PIP4P1: variants seen among roughly 807,000 people sequenced by gnomAD.
PIP4P1 encodes phosphatidylinositol-4,5-bisphosphate 4-phosphatase 1.
In PIP4P1, 14 loss-of-function variants were observed where a neutral mutation model predicts 32.3. The observed-to-expected ratio is 0.43, with a 90% CI of 0.29 to 0.68. PIP4P1 has a LOEUF of 0.68. Ranked by LOEUF, PIP4P1 falls within the 30% of genes least tolerant of loss-of-function variation. The probability of loss-of-function intolerance (pLI) is 0.15; values close to 1 mark genes in which losing one functional copy is unlikely to be tolerated. For synonymous variants in PIP4P1, 132 were observed against 137.9 expected, an observed-to-expected ratio of 0.96 and a Z score of 0.30; for missense variants, 289 against 364.5, an observed-to-expected ratio of 0.79 and a Z score of 1.69.
In PIP4P1 at chr14:20,458,406, G is replaced by C; in HGVS notation, c.*153C>G. The C allele has an allele frequency of 9.3e-7, 1 of 1,075,650 alleles. No homozygotes were observed. The allele number at this position is 1,075,650 out of a possible 1,614,324, so 66.6% of individuals were successfully genotyped here. A position where few individuals can be genotyped will look rare whatever the true frequency, so the allele number is the denominator to read the frequency against. On this transcript the variant is annotated 3_prime_UTR_variant, in exon 7 of 7. Coordinates refer to ENST00000250489, the MANE Select transcript of PIP4P1 (RefSeq NM_144568.4). ...TCTGCCCCTCCAAACCTAAGTGAGG[G>C]CCTGGTTCCTTCCTACCTCTCCCCA...
At chr14:20,459,159 T>C (rs754397968) in intron 6 of PIP4P1, 47 bp downstream of exon 6, 2 of 1,578,178 alleles carry the variant, frequency 1.3e-6, no homozygotes, top group South Asian at 1.1e-5. Context: ...TCTTAGCCTA[T>C]GGAGATGAGG....
rs144871765 is a variant in PIP4P1 at position 20,460,371 on chromosome 14, T to C, written c.334-73A>G. 2.1e-3 allele frequency: 2,351 copies of C among 1,114,360 alleles called. 31 individuals carry two copies. The African/African-American group carries it at 0.033, about 16-fold the overall frequency. 69.0% of individuals were successfully genotyped at this position (1,114,360 alleles called of 1,614,324 possible). On this transcript the variant is annotated intron_variant, in intron 2 of 6. Coordinates refer to ENST00000250489, the MANE Select transcript of PIP4P1 (RefSeq NM_144568.4). ...CCTCCACTTCCCTCCAAAAACACTT[T>C]ATGAGATCAGAAAAATAAGGTGCTA... is the stretch of plus-strand genomic sequence containing the variant.
At chr14:20,458,772 T>A in intron 6 of PIP4P1, 70 bp from the exon 7 acceptor site, 1 of 1,541,804 alleles carries the variant, frequency 6.5e-7, no homozygotes, top group Non-Finnish European at 8.7e-7. Context: ...CTCCTATTAG[T>A]TCTAAGAACA....
chr14:20,457,959 G>C lies in PIP4P1; in HGVS notation c.*600C>G, dbSNP rs1428272533. ...GCCCAGTTAAATACTGCAACTGGGG[G>C]GGTAAAAAAGGTCGGGAGGAGGAAT... On this transcript the variant is annotated 3_prime_UTR_variant, in exon 7 of 7. Transcript: ENST00000250489. 3.2e-6 allele frequency: 1 copy of C among 309,470 alleles called. No individual in the cohort carries two copies. The highest frequency in any genetic ancestry group is 6.2e-6 in the Non-Finnish European group (1 of 160,218). The allele number at this position is 309,470 out of a possible 1,614,324, so 19.2% of individuals were successfully genotyped here. A position where few individuals can be genotyped will look rare whatever the true frequency, so the allele number is the denominator to read the frequency against.
rs17851850 is a variant in PIP4P1 at position 20,459,274 on chromosome 14, G to T, written c.622C>A (p.Pro208Thr). The change falls in exon 6 of 7, where the codon CCA (proline) becomes ACA (threonine). Residue 208 changes from proline (P) to threonine (T), a missense_variant. This residue lies in a region of PIP4P1 where 181 missense variants were observed against 263.3 expected (regional missense o/e 0.69). Transcript: ENST00000250489. ...RKVSSIGRRY[P>T]RKRCICCFLL... ...AAGCAGCAGATACATCTCTTACGTG[G>T]GTATCTGCGCCCAATAGATGACCTG... The T allele has an allele frequency of 6.2e-7, 1 of 1,614,070 alleles. No homozygotes were observed. The highest frequency in any genetic ancestry group is 1.3e-5 in the African/African-American group (1 of 74,916).
At chr14:20,460,323 A>G (rs1881653880) in intron 2 of PIP4P1, 25 bp from the exon 3 acceptor site, 1 of 1,552,756 alleles carries the variant, frequency 6.4e-7, no homozygotes, top group African/African-American at 1.4e-5. Flanking sequence ...GGTCATCAGC[A>G]AGCAAACCTC....
rs202232774 is a variant in PIP4P1, at chr14:20,458,571, C to G, written c.822G>C (p.Gln274His). The G allele has an allele frequency of 2.0e-4, 323 of 1,613,690 alleles. No homozygotes were observed. Among genetic ancestry groups the G allele is most frequent in the Middle Eastern group, 4.9e-4 (3 of 6,080 alleles). Residue 274 changes from glutamine to histidine, a missense_variant, in exon 7 of 7, where the codon CAG becomes CAC. By Grantham distance (24) the Gln-to-His change is conservative. This residue lies in a region of PIP4P1 where 181 missense variants were observed against 263.3 expected (regional missense o/e 0.69). Transcript: ENST00000250489. ...WACMKVSHPVQNFS is the reference protein window; with the variant it reads ...WACMKVSHPVHNFS ...TGGGTCATCAGGCTCAGGAGAAGTT[C>G]TGGACAGGGTGGCTGACCTTCATAC...
rs1354119613 is a variant in PIP4P1 at position 20,461,400 on chromosome 14, A to G, written c.-75T>C. The G allele has an allele frequency of 2.1e-5, 26 of 1,217,766 alleles. No homozygotes were observed. The East Asian group carries it at 3.8e-4, about 18-fold the overall frequency. The allele number at this position is 1,217,766 out of a possible 1,614,324, so 75.4% of individuals were successfully genotyped here. A position where few individuals can be genotyped will look rare whatever the true frequency, so the allele number is the denominator to read the frequency against. ...CTCTGCCGTCGCCGCAGCCACCGCC[A>G]CCGCCGCCACCGCCACCGCCGCTAC... On this transcript the variant is annotated 5_prime_UTR_variant, in exon 1 of 7. Transcript: ENST00000250489.
intron 6 of PIP4P1, 100 bp downstream of exon 6, chr14:20,459,106 C>T (rs1391970832): frequency 7.8e-7 from 1 of 1,283,448 alleles, no homozygotes; most frequent in Non-Finnish European, 1.1e-6. Context: ...AAACTAGTCC[C>T]CCAAGTTTCT....
At chr14:20,461,047 G>GC in intron 1 of PIP4P1, 137 bp downstream of exon 1, 1 of 1,283,788 alleles carries the variant, frequency 7.8e-7, no homozygotes, top group Non-Finnish European at 9.9e-7. Flanking sequence ...GCCTCGCCCA[G>GC]TCACAGGTGC....
chr14:20,458,122 G>T lies in PIP4P1; in HGVS notation c.*437C>A. 1 of 366,888 alleles carries T rather than the reference G, an allele frequency of 2.7e-6. No homozygotes were observed. The highest frequency in any genetic ancestry group is 2.1e-5 in the South Asian group (1 of 48,742). The allele number at this position is 366,888 out of a possible 1,614,324, so 22.7% of individuals were successfully genotyped here. A position where few individuals can be genotyped will look rare whatever the true frequency, so the allele number is the denominator to read the frequency against. On this transcript the variant is annotated 3_prime_UTR_variant, in exon 7 of 7. Coordinates refer to ENST00000250489, the MANE Select transcript of PIP4P1 (RefSeq NM_144568.4). The stretch of plus-strand genomic sequence containing the variant: ...GTGGGGAGAGGAGACTGAGGGTACT[G>T]AGGCCAGAGCCAACCTCTGGTGAAG...
At chr14:20,458,728 A>G (rs200071133) in intron 6 of PIP4P1, 26 bp from the exon 7 acceptor site, 19 of 1,601,464 alleles carry the variant, frequency 1.2e-5, no homozygotes, top group Non-Finnish European at 1.5e-5. Context: ...AGGGAGAAGA[A>G]AAGAAAGATG....
At chr14:20,459,775 G>T in intron 3 of PIP4P1, 42 bp from the exon 4 acceptor site, 1 of 1,560,256 alleles carries the variant, frequency 6.4e-7, no homozygotes, top group South Asian at 1.1e-5. Flanking sequence ...ACTTGTGTTT[G>T]AAAAATTTTT....
chr14:20,458,450 G>A lies in PIP4P1; in HGVS notation c.*109C>T. 6.6e-7 allele frequency: 1 copy of A among 1,508,038 alleles called. No individual in the cohort carries two copies. The highest frequency in any genetic ancestry group is 1.7e-4 in the Middle Eastern group (1 of 5,850). The allele number at this position is 1,508,038 out of a possible 1,614,324, so 93.4% of individuals were successfully genotyped here. A position where few individuals can be genotyped will look rare whatever the true frequency, so the allele number is the denominator to read the frequency against. On this transcript the variant is annotated 3_prime_UTR_variant, in exon 7 of 7. Transcript: ENST00000250489. ...CTCCCCAGGGAAAAGGAAGGCAGCT[G>A]CTTGGCTTCCTTCTAGAAGCCCCGG... is the stretch of plus-strand genomic sequence containing the variant.
intron 3 of PIP4P1, 183 bp from the exon 4 acceptor site, chr14:20,459,916 G>T (rs1881637498): frequency 3.2e-6 from 2 of 626,706 alleles, no homozygotes; most frequent in Middle Eastern, 4.3e-4. Context: ...GAAAGAAAGA[G>T]CACTGTTTAA....
chr14:20,460,573 C>A, intron 2 of PIP4P1, 82 bp downstream of exon 2: 2 of 1,462,214 alleles, frequency 1.4e-6, no homozygotes, highest in Non-Finnish European at 1.9e-6. Flanking sequence ...TGGCTAATAG[C>A]CGGAAGGTCA....
rs1881678803 is a variant in PIP4P1 at position 20,460,851 on chromosome 14, G to A, written c.143-6C>T. On this transcript the variant is annotated splice_polypyrimidine_tract_variant and splice_region_variant and intron_variant, in intron 1 of 6. Coordinates refer to ENST00000250489, the MANE Select transcript of PIP4P1 (RefSeq NM_144568.4). ...CTCGGGAAACGGGGGAAATGCTGGA[G>A]AGGAAGCAAATAGAAGGGCTGGGAT... The A allele has an allele frequency of 1.3e-6, 2 of 1,543,524 alleles. No homozygotes were observed. Among genetic ancestry groups the A allele is most frequent in the East Asian group, 2.3e-5 (1 of 43,366 alleles).
chr14:20,458,736 A>AC lies in PIP4P1; in HGVS notation c.691-35_691-34insG, dbSNP rs756782283. 1.3e-4 allele frequency: 214 copies of AC among 1,596,442 alleles called. 2 individuals are homozygous for AC. In the South Asian group the frequency reaches 2.4e-3, roughly 18 times the overall value. ...GATAAGGAGGGAGAAGAAAAGAAAG[A>AC]TGGGGTTAATGTTGGTCTCCACTAC... is the stretch of plus-strand genomic sequence containing the variant. On this transcript the variant is annotated intron_variant, in intron 6 of 6. Transcript: ENST00000250489.
intron 3 of PIP4P1, 54 bp downstream of exon 3, chr14:20,460,137 CT>C (rs1566518261): frequency 2.2e-6 from 3 of 1,353,126 alleles, no homozygotes; most frequent in Non-Finnish European, 3.2e-6. Flanking sequence ...TACGCTCATC[CT>C]TTTTTGACTT....
Sources: allele counts gnomAD v4.1 joint callset, GRCh38; gene constraint gnomAD v4.1.1; regional missense constraint gnomAD v4.1.1; transcripts MANE v1.5; gene names NCBI Gene and HGNC (gene_info 2026-07-23, HGNC 2026-07-21).